Variants in TMC5 observed in about 807,000 individuals in gnomAD.
TMC5 encodes transmembrane channel-like protein 5.
Under a neutral mutation model 110.5 loss-of-function variants are expected in TMC5, and 86 were observed. The observed-to-expected ratio is 0.78, with a 90% CI of 0.65 to 0.93. The LOEUF is 0.93. Among genes scored for constraint, TMC5 ranks in the 40% least tolerant of loss-of-function variants. TMC5 has a pLI of 0.00. For synonymous variants in TMC5, 455 were observed against 439.5 expected, an observed-to-expected ratio of 1.04 and a Z score of -0.44; for missense variants, 1,144 against 1,222.8, an observed-to-expected ratio of 0.94 and a Z score of 0.96.
chr16:19,444,018 TG>T, intron 3 of TMC5, 62 bp from the exon 4 acceptor site: 1 of 1,448,814 alleles, frequency 6.9e-7, no homozygotes, highest in Non-Finnish European at 9.5e-7. Flanking sequence ...GATGGATGGA[TG>T]GATGGATGAC....
chr16:19,469,500 C>G (rs1218724176), intron 9 of TMC5, among the ~76,000 whole-genome samples, 181 bp from the exon 10 acceptor site: 3 of 152,286 alleles, frequency 2.0e-5, no homozygotes, highest in Non-Finnish European at 4.4e-5. Context: ...GCCTGTGCAG[C>G]CCCAAAACCA....
At chr16:19,455,628 T>A (rs914231242) in intron 5 of TMC5, among the ~76,000 whole-genome samples, 1 of 152,084 alleles carries the variant, frequency 6.6e-6, no homozygotes, top group African/African-American at 2.4e-5. Context: ...AAGGGCAAAT[T>A]GTGAACCCAG....
chr16:19,459,476 G>A (rs1160287610), intron 5 of TMC5, among the ~76,000 whole-genome samples: 1 of 152,120 alleles, frequency 6.6e-6, no homozygotes, highest in African/African-American at 2.4e-5. Context: ...AGGAAGTGAT[G>A]TGGGATATTA....
chr16:19,489,396 G>A (rs9888817), intron 17 of TMC5, among the ~76,000 whole-genome samples: 19,622 of 151,978 alleles, frequency 0.13, 1,777 homozygotes, highest in East Asian at 0.39. Flanking sequence ...GTGCAGTGGC[G>A]CAATCTCGGC....
intron 1 of TMC5, among the ~76,000 whole-genome samples, chr16:19,419,308 T>C (rs965036482): frequency 1.3e-5 from 2 of 152,028 alleles, no homozygotes; most frequent in Admixed American, 1.3e-4. Flanking sequence ...ACTGTTGTTG[T>C]TATTATTATT....
rs1380648568 is a variant in TMC5 at position 19,481,246 on chromosome 16, C to T, written c.2268-124C>T. 4 of 713,120 alleles carry T rather than the reference C, an allele frequency of 5.6e-6. No individual in the cohort carries two copies. The African/African-American group carries it at 7.2e-5, about 13-fold the overall frequency. The allele number at this position is 713,120 out of a possible 1,614,324, so 44.2% of individuals were successfully genotyped here. On this transcript the variant is annotated intron_variant, in intron 14 of 21. Transcript: ENST00000542583. ...AGATTTAGAACTTTTGAAAAATTTT[C>T]AAGGGAACTTACGACTTTATTTCAA...
intron 2 of TMC5, among the ~76,000 whole-genome samples, chr16:19,435,152 G>T (rs556633724): frequency 1.2e-4 from 19 of 152,208 alleles, no homozygotes; most frequent in South Asian, 1.0e-3. Flanking sequence ...GGGAGAATCG[G>T]AAGGTTTTAT....
At chr16:19,488,429 A>T (rs1485074812) in intron 17 of TMC5, among the ~76,000 whole-genome samples, 1 of 151,702 alleles carries the variant, frequency 6.6e-6, no homozygotes, top group Non-Finnish European at 1.5e-5. Context: ...CTCCACATCC[A>T]GAACAGAACT....
intron 15 of TMC5, among the ~76,000 whole-genome samples, chr16:19,484,638 G>A (rs1157099050): frequency 6.6e-6 from 1 of 151,988 alleles, no homozygotes; most frequent in African/African-American, 2.4e-5. Flanking sequence ...GCAGATGCCT[G>A]TAATCTCAGC....
intron 2 of TMC5, among the ~76,000 whole-genome samples, chr16:19,434,499 G>T (rs112583155): frequency 0.44 from 55,858 of 126,596 alleles, 12,876 homozygotes; most frequent in African/African-American, 0.51. Context: ...TAGATATAGA[G>T]AGAGAGAGAG....
intron 8 of TMC5, 145 bp from the exon 9 acceptor site, chr16:19,465,937 T>C (rs1968176736): frequency 2.7e-6 from 2 of 750,026 alleles, no homozygotes; most frequent in Non-Finnish European, 4.0e-6. Context: ...GTCCAAATTC[T>C]CAGTGCCCCT....
chr16:19,464,776 AAG>A lies in TMC5; in HGVS notation c.1485+756_1485+757del, dbSNP rs553362893. On this transcript the variant is annotated intron_variant, in intron 8 of 21. Transcript: ENST00000542583. ...AAAATTCCTACTATAGAAGAAAACT[AAG>A]AGAAAGTTCATTTTATATTTTTTTC... is the stretch of plus-strand genomic sequence containing the variant. 2.0e-5 allele frequency among the ~76,000 whole-genome samples: 3 copies of A among 152,206 alleles called. No individual in the cohort carries two copies. In the South Asian group the frequency reaches 6.2e-4, roughly 32 times the overall value.
At chr16:19,447,473 A>G (rs968801933) in intron 4 of TMC5, among the ~76,000 whole-genome samples, 1 of 152,198 alleles carries the variant, frequency 6.6e-6, no homozygotes, top group Non-Finnish European at 1.5e-5. Flanking sequence ...CTACTATAAC[A>G]GTTAATATAT....
intron 10 of TMC5, among the ~76,000 whole-genome samples, chr16:19,470,497 C>T (rs1968309655): frequency 6.6e-6 from 1 of 152,080 alleles, no homozygotes; most frequent in Admixed American, 6.6e-5. Flanking sequence ...ATTTTCAACC[C>T]AGAGAAATCT....
intron 1 of TMC5, among the ~76,000 whole-genome samples, chr16:19,422,463 TC>T (rs1267672965): frequency 6.6e-6 from 1 of 152,176 alleles, no homozygotes; most frequent in African/African-American, 2.4e-5. Flanking sequence ...ACCTCCATAA[TC>T]ATATGTTTGC....
In TMC5 at chr16:19,418,727, GTTTTTTTTTTT is replaced by G. The variant is rs57232416; in HGVS notation, c.-308+642_-308+652del. 4.1e-3 allele frequency among the ~76,000 whole-genome samples: 486 copies of G among 119,118 alleles called. 5 individuals carry two copies. The highest frequency in any genetic ancestry group is 0.014 in the African/African-American group (463 of 33,620). 78.1% of individuals were successfully genotyped at this position (119,118 alleles called of 152,430 possible). A position where few individuals can be genotyped will look rare whatever the true frequency, so the allele number is the denominator to read the frequency against. ...TCTTCCTCTGATAAGTGATTTTTGT[GTTTTTTTTTTT>G]TTTTTTCGAGACAATATCTCACTCT... On this transcript the variant is annotated intron_variant, in intron 1 of 21. Coordinates refer to ENST00000542583, the MANE Select transcript of TMC5 (RefSeq NM_001261841.2).
Position 19,444,215 on chromosome 16 carries a change from G to C in TMC5, c.923G>C (p.Gly308Ala). 1 of 1,613,930 alleles carries C rather than the reference G, an allele frequency of 6.2e-7. No individual in the cohort carries two copies. The highest frequency in any genetic ancestry group is 8.5e-7 in the Non-Finnish European group (1 of 1,180,026). ...TCCATGGAGATGGCAAACTCATATG[G>C]CCACTCTCTGCCAGGTGCTCCTGGA... is the stretch of plus-strand genomic sequence containing the variant. ...MASMEMANSYGHSLPGAPGSG... is the reference protein window; with the variant it reads ...MASMEMANSYAHSLPGAPGSG... The change falls in exon 4 of 22, where the codon GGC becomes GCC. Residue 308 changes from glycine (G) to alanine (A), a missense_variant. Physicochemically the swap from Gly to Ala is moderately conservative, Grantham distance 60 (BLOSUM62 0). Coordinates refer to ENST00000542583, the MANE Select transcript of TMC5 (RefSeq NM_001261841.2).
intron 4 of TMC5, 137 bp downstream of exon 4, chr16:19,444,387 A>C: frequency 1.4e-6 from 1 of 734,902 alleles, no homozygotes; most frequent in Admixed American, 3.0e-5. Context: ...GTTTTTACAT[A>C]CAAAAGTTGA....
chr16:19,463,425 G>C, intron 7 of TMC5, 58 bp downstream of exon 7: 14 of 1,319,810 alleles, frequency 1.1e-5, no homozygotes, highest in African/African-American at 1.4e-5. Context: ...GGAGAGTGAG[G>C]ATGAAAGGGG....
Sources: allele counts gnomAD v4.1 joint callset (sites outside exome capture counted in the v4.1 genomes callset), GRCh38; gene constraint gnomAD v4.1.1; transcripts MANE v1.5; gene names NCBI Gene and HGNC (gene_info 2026-07-23, HGNC 2026-07-21).